Variants in ZNF333 observed in about 807,000 individuals in gnomAD.
ZNF333 encodes zinc finger protein 333.
ZNF333 carries 61 observed loss-of-function variants against 76.1 expected under a neutral mutation model. That is an observed-to-expected ratio of 0.80 (90% CI 0.65 to 0.99). The LOEUF (loss-of-function observed/expected upper bound fraction) is 0.99, where lower values mean the gene tolerates loss of function less well. Ranked by LOEUF, ZNF333 falls within the 50% of genes least tolerant of loss-of-function variation. The pLI, the probability that ZNF333 is intolerant of heterozygous loss-of-function variation, is 0.00. For missense variants in ZNF333, 717 were observed against 822.4 expected, an observed-to-expected ratio of 0.87 and a Z score of 1.57; for synonymous variants, 284 against 305.0, an observed-to-expected ratio of 0.93 and a Z score of 0.72.
Position 14,718,907 on chromosome 19 carries a change from TAC to T in ZNF333, c.1586_1587del (p.Thr529ArgfsTer6). 1 of 1,613,890 alleles carries T rather than the reference TAC, an allele frequency of 6.2e-7. No homozygotes were observed. The highest frequency in any genetic ancestry group is 8.5e-7 in the Non-Finnish European group (1 of 1,179,986). On this transcript the variant is annotated frameshift_variant, in exon 12 of 12. Coordinates refer to ENST00000292530, the MANE Select transcript of ZNF333 (RefSeq NM_032433.4). LOFTEE classifies it high-confidence loss of function. ...ACTCATCTGAACGTGCACAAGAGGA[TAC>T]ACACAGGGGAGAAACTGTATGAGTG...
chr19:14,702,893 GA>G (rs2041998708), intron 5 of ZNF333, among the ~76,000 whole-genome samples: 1 of 152,042 alleles, frequency 6.6e-6, no homozygotes, highest in South Asian at 2.1e-4. Context: ...ACAAAAGGGG[GA>G]AAAACCCCTT....
chr19:14,707,478 A>G (rs2042145114), intron 7 of ZNF333, among the ~76,000 whole-genome samples: 1 of 151,132 alleles, frequency 6.6e-6, no homozygotes, highest in Non-Finnish European at 1.5e-5. Context: ...GACAAATAAC[A>G]TTTTAACTTT....
chr19:14,705,427 C>G (rs921542151), intron 6 of ZNF333, among the ~76,000 whole-genome samples: 1 of 152,176 alleles, frequency 6.6e-6, no homozygotes, highest in Non-Finnish European at 1.5e-5. Flanking sequence ...CCTGGTCCAG[C>G]CTTTTTTCTT....
intron 4 of ZNF333, among the ~76,000 whole-genome samples, chr19:14,697,503 A>G (rs1973303923): frequency 6.6e-6 from 1 of 151,670 alleles, no homozygotes; most frequent in Non-Finnish European, 1.5e-5. Flanking sequence ...CTGGGACCAC[A>G]GGTGCATGCC....
chr19:14,708,309 ATTTTGTTAC>A (rs2042176309), intron 7 of ZNF333: 1 of 400,744 alleles, frequency 2.5e-6, no homozygotes, highest in African/African-American at 2.1e-5. Flanking sequence ...TGCCTGACCT[ATTTTGTTAC>A]TTCTTGAAGC....
In ZNF333 at chr19:14,719,212, C is replaced by T; in HGVS notation, c.1885C>T (p.His629Tyr). Residue 629 changes from histidine (H) to tyrosine (Y), a missense_variant, in exon 12 of 12, where the codon CAC becomes TAC. Transcript: ENST00000292530. The stretch of plus-strand genomic sequence containing the variant: ...TAATCAGTGTGAGAAAGCCTTCAGG[C>T]ACAGCTCCTCACTCACTGTACACAA... ...QCNQCEKAFR[H>Y]SSSLTVHKRT... is the part of the protein sequence containing the mutation. 1 of 1,614,240 alleles carries T rather than the reference C, an allele frequency of 6.2e-7. No individual in the cohort carries two copies. Among genetic ancestry groups the T allele is most frequent in the Non-Finnish European group, 8.5e-7 (1 of 1,180,054 alleles).
chr19:14,700,255 A>G (rs71334735), intron 5 of ZNF333: 165 of 151,378 alleles, frequency 1.1e-3, no homozygotes, highest in Non-Finnish European at 1.9e-3. Context: ...TCCTGGCCTC[A>G]TGTGTTCCTC....
In ZNF333 at chr19:14,718,463, C is replaced by T. The variant is rs2042501875; in HGVS notation, c.1136C>T (p.Ser379Phe). ...TGTGAAAAATCCTTCAGATACAGCT[C>T]TGACCTTATCAGGCATGAGAAGACT... ...NKCEKSFRYS[S>F]DLIRHEKTHT... Residue 379 changes from serine (S) to phenylalanine (F), a missense_variant, in exon 12 of 12, where the codon TCT (serine) becomes TTT (phenylalanine). Ser to Phe is a radical substitution (Grantham distance 155). Transcript: ENST00000292530. The T allele has an allele frequency of 4.3e-6, 7 of 1,614,100 alleles. No individual in the cohort carries two copies. The highest frequency in any genetic ancestry group is 5.9e-6 in the Non-Finnish European group (7 of 1,180,052).
rs188384970 is a variant in ZNF333 at position 14,694,804 on chromosome 19, G to A, written c.4-206G>A. Among the ~76,000 whole-genome samples, 480 of 152,306 alleles carry A rather than the reference G, an allele frequency of 3.2e-3. 4 individuals are homozygous for A. Among genetic ancestry groups the A allele is most frequent in the African/African-American group, 0.01 (432 of 41,548 alleles). Reference sequence around the variant, plus strand: ...TCTGTCACAACTATTCAGTTCTGCCGTTGTGGCCTCAAAACAGCCATTGAT... The same window carrying A: ...TCTGTCACAACTATTCAGTTCTGCCATTGTGGCCTCAAAACAGCCATTGAT... On this transcript the variant is annotated intron_variant, in intron 2 of 11. Coordinates refer to ENST00000292530, the MANE Select transcript of ZNF333 (RefSeq NM_032433.4).
chr19:14,694,993 T>C lies in ZNF333; in HGVS notation c.4-17T>C, dbSNP rs1267875040. On this transcript the variant is annotated splice_polypyrimidine_tract_variant and intron_variant, in intron 2 of 11. Coordinates refer to ENST00000292530, the MANE Select transcript of ZNF333 (RefSeq NM_032433.4). Reference sequence around the variant, plus strand: ...GGGGGTGGTATTTGCCGAGCCAGAATGTGTGTGCTGTTTTAGGAATCCGTC... The same window carrying C: ...GGGGGTGGTATTTGCCGAGCCAGAACGTGTGTGCTGTTTTAGGAATCCGTC... 1 of 1,614,074 alleles carries C rather than the reference T, an allele frequency of 6.2e-7. No homozygotes were observed. Among genetic ancestry groups the C allele is most frequent in the Non-Finnish European group, 8.5e-7 (1 of 1,179,962 alleles).
chr19:14,706,510 T>G, intron 6 of ZNF333, 176 bp from the exon 7 acceptor site: 1 of 639,930 alleles, frequency 1.6e-6, no homozygotes, highest in Non-Finnish European at 2.8e-6. Context: ...ATCACAGTGA[T>G]TAGCTTTGTA....
intron 4 of ZNF333, among the ~76,000 whole-genome samples, chr19:14,697,741 A>T (rs1973325180): frequency 6.6e-6 from 1 of 152,124 alleles, no homozygotes; most frequent in Non-Finnish European, 1.5e-5. Flanking sequence ...TCATATGGTA[A>T]TGCTATGCTT....
intron 2 of ZNF333, 127 bp downstream of exon 2, chr19:14,693,621 A>C (rs1246268385): frequency 2.5e-6 from 3 of 1,192,074 alleles, no homozygotes; most frequent in Non-Finnish European, 3.5e-6. Context: ...GTGAGTGAGG[A>C]GCATCCTCAT....
chr19:14,704,883 A>G (rs111307201), intron 5 of ZNF333, among the ~76,000 whole-genome samples, 171 bp from the exon 6 acceptor site: 174 of 152,304 alleles, frequency 1.1e-3, no homozygotes, highest in Middle Eastern at 6.8e-3. Context: ...GCCTCAAGCA[A>G]TTCTTCACCT....
rs150803246 is a variant in ZNF333 at position 14,728,130 on chromosome 19, G to A, written c.901-3045G>A. ...CGGGAGGCTGAGGCAGGAGAATGGC[G>A]TGAGCCTGGGAAGCGGAGCTTGCAG... is the stretch of plus-strand genomic sequence containing the variant. On this transcript the variant is annotated intron_variant, in intron 11 of 11. Coordinates refer to the ZNF333 transcript ENST00000540689. Among the ~76,000 whole-genome samples the A allele has an allele frequency of 7.4e-3, 1,129 of 152,296 alleles. 15 individuals carry two copies. Among genetic ancestry groups the A allele is most frequent in the African/African-American group, 0.024 (1,014 of 41,564 alleles).
intron 5 of ZNF333, among the ~76,000 whole-genome samples, chr19:14,703,354 A>G (rs368762525): frequency 1.7e-4 from 26 of 152,232 alleles, no homozygotes; most frequent in African/African-American, 5.5e-4. Flanking sequence ...ACAATTCAAG[A>G]TGAGATTTGG....
At chr19:14,731,712 C>CT (rs1241151493) in exon 12 of ZNF333, 7 of 152,688 alleles carry the variant, frequency 4.6e-5, no homozygotes, top group African/African-American at 1.7e-4. Context: ...GGAAACTCTG[C>CT]TGCCTACTTG....
rs1461818895 is a variant in ZNF333, at chr19:14,719,776, T to A, written c.*451T>A. 1.0e-6 allele frequency: 1 copy of A among 989,230 alleles called. No individual in the cohort carries two copies. The highest frequency in any genetic ancestry group is 1.7e-5 in the African/African-American group (1 of 57,282). 61.3% of individuals were successfully genotyped at this position (989,230 alleles called of 1,614,324 possible). ...ACTGAGTCATAGGTATTTGCTGAGATTTGCTATTAGGTCTGGTGTGGCTTA... is the reference window on the plus strand; with the variant it reads ...ACTGAGTCATAGGTATTTGCTGAGAATTGCTATTAGGTCTGGTGTGGCTTA... On this transcript the variant is annotated 3_prime_UTR_variant, in exon 12 of 12. Coordinates refer to ENST00000292530, the MANE Select transcript of ZNF333 (RefSeq NM_032433.4).
chr19:14,693,569 T>C, intron 2 of ZNF333, 75 bp downstream of exon 2: 1 of 1,503,968 alleles, frequency 6.6e-7, no homozygotes, highest in South Asian at 1.3e-5. Context: ...CCCTGTCTTC[T>C]CTCTCGCCAC....
Sources: gnomAD v4.1 joint callset for allele counts (sites outside exome capture counted in the v4.1 genomes callset) on GRCh38, gnomAD v4.1.1 for gene constraint, MANE v1.5 for transcripts, NCBI Gene and HGNC (gene_info 2026-07-23, HGNC 2026-07-21) for gene names.